Variants in SLX4IP observed in about 807,000 individuals in gnomAD.
The protein encoded by SLX4IP is SLX4 interacting protein, also known as protein SLX4IP.
In SLX4IP, 34 loss-of-function variants were observed where a neutral mutation model predicts 32.9. The observed-to-expected ratio is 1.03, with a 90% CI of 0.79 to 1.38. The LOEUF (loss-of-function observed/expected upper bound fraction) is 1.38, where lower values mean the gene tolerates loss of function less well. Ranked by LOEUF, SLX4IP falls within the 40% of genes most tolerant of loss-of-function variation. The probability of loss-of-function intolerance (pLI) is 0.00; values close to 1 mark genes in which losing one functional copy is unlikely to be tolerated. For missense variants in SLX4IP, 444 were observed against 479.0 expected (o/e 0.93, Z 0.68); for synonymous variants, 172 against 171.7 (o/e 1.00, Z -0.01).
chr20:10,518,404 T>TTCCTTCCTTCC (rs1568719908), intron 2 of SLX4IP, among the ~76,000 whole-genome samples: 7 of 92,482 alleles, frequency 7.6e-5, no homozygotes, highest in African/African-American at 3.2e-4. Flanking sequence ...TCTTTCTTTC[T>TTCCTTCCTTCC]TTCCTTCCTT....
chr20:10,589,853 G>T (rs566155897), intron 4 of SLX4IP, among the ~76,000 whole-genome samples: 2 of 151,878 alleles, frequency 1.3e-5, no homozygotes, highest in African/African-American at 4.8e-5. Flanking sequence ...TGGTCGGATT[G>T]TTGAAGATTC....
rs757978796 is a variant in SLX4IP, at chr20:10,598,653, G to A, written c.239-22G>A. 4.3e-6 allele frequency: 7 copies of A among 1,610,862 alleles called. No homozygotes were observed. The South Asian group carries it at 7.7e-5, about 18-fold the overall frequency. On this transcript the variant is annotated intron_variant, in intron 4 of 7. Transcript: ENST00000334534. Reference sequence around the variant, plus strand: ...TAGCGGCAAACAAACTTAACTTAGTGATGTTCCCTTTCACTTTCCAGGTTA... The same window carrying A: ...TAGCGGCAAACAAACTTAACTTAGTAATGTTCCCTTTCACTTTCCAGGTTA...
intron 2 of SLX4IP, among the ~76,000 whole-genome samples, chr20:10,550,302 G>A (rs2066204611): frequency 6.6e-6 from 1 of 152,184 alleles, no homozygotes; most frequent in South Asian, 2.1e-4. Context: ...CCAGGTAGGT[G>A]TAAAATGCCA....
intron 6 of SLX4IP, among the ~76,000 whole-genome samples, chr20:10,618,285 G>T (rs901925889): frequency 6.6e-6 from 1 of 152,220 alleles, no homozygotes; most frequent in Non-Finnish European, 1.5e-5. Flanking sequence ...CTGAGGGAGG[G>T]TATCTCCCTA....
At chr20:10,592,622 C>CTTTTTTTT (rs33995611) in intron 4 of SLX4IP, among the ~76,000 whole-genome samples, 9 of 55,168 alleles carry the variant, frequency 1.6e-4, no homozygotes, top group Non-Finnish European at 2.1e-4. Flanking sequence ...TATTCTTCAT[C>CTTTTTTTT]TTTTTTTTTT....
intron 4 of SLX4IP, among the ~76,000 whole-genome samples, chr20:10,583,049 C>CA (rs1162722407): frequency 1.3e-5 from 2 of 151,998 alleles, no homozygotes; most frequent in East Asian, 1.9e-4. Context: ...CAAATACATA[C>CA]AAAAATAGGA....
chr20:10,566,511 C>T (rs994501001), intron 4 of SLX4IP, among the ~76,000 whole-genome samples: 5 of 152,026 alleles, frequency 3.3e-5, no homozygotes, highest in Admixed American at 2.0e-4. Flanking sequence ...GGAACGTAAA[C>T]GTTTGCTGAG....
intron 2 of SLX4IP, among the ~76,000 whole-genome samples, chr20:10,467,688 T>C (rs759910973): frequency 6.6e-6 from 1 of 152,224 alleles, no homozygotes; most frequent in Non-Finnish European, 1.5e-5. Context: ...AGTAAGTATG[T>C]GCTGATTTCG....
chr20:10,577,690 C>G (rs998805881), intron 4 of SLX4IP, among the ~76,000 whole-genome samples: 1 of 152,200 alleles, frequency 6.6e-6, no homozygotes, highest in African/African-American at 2.4e-5. Context: ...CACTGTACTC[C>G]AGCTGAGGCA....
At position 10,473,747 on chromosome 20, in the gene SLX4IP, C is replaced by T. The variant is rs1052932039; in HGVS notation, c.27+15516C>T. 1.2e-4 allele frequency among the ~76,000 whole-genome samples: 18 copies of T among 152,068 alleles called. No individual in the cohort carries two copies. The South Asian group carries it at 1.2e-3, about 11-fold the overall frequency. On this transcript the variant is annotated intron_variant, in intron 2 of 7. Coordinates refer to ENST00000334534, the MANE Select transcript of SLX4IP (RefSeq NM_001009608.3). ...CCTCCCAAGTAGCTGGGATTACAGG[C>T]GCCTGCCACCACGCCTGGCTAATTT...
At chr20:10,452,287 T>C (rs2065247545) in intron 1 of SLX4IP, among the ~76,000 whole-genome samples, 1 of 151,992 alleles carries the variant, frequency 6.6e-6, no homozygotes. Flanking sequence ...TCCCAGCACT[T>C]TGGGAGGCTG....
intron 4 of SLX4IP, among the ~76,000 whole-genome samples, chr20:10,581,175 G>A (rs1022731164): frequency 1.3e-5 from 2 of 152,102 alleles, no homozygotes; most frequent in Admixed American, 1.3e-4. Context: ...AGAAGTAGGT[G>A]CTGGTGGTAG....
chr20:10,580,142 T>A (rs2066567346), intron 4 of SLX4IP, among the ~76,000 whole-genome samples: 1 of 152,230 alleles, frequency 6.6e-6, no homozygotes, highest in South Asian at 2.1e-4. Context: ...TTGCAAGGTA[T>A]GACTGAGGGC....
intron 2 of SLX4IP, among the ~76,000 whole-genome samples, chr20:10,504,286 G>A (rs1340969081): frequency 1.3e-5 from 2 of 152,256 alleles, no homozygotes; most frequent in East Asian, 3.9e-4. Flanking sequence ...CAGGAGCACT[G>A]GAAGAGTGGA....
intron 2 of SLX4IP, among the ~76,000 whole-genome samples, chr20:10,469,044 C>T (rs2065403088): frequency 6.6e-6 from 1 of 151,798 alleles, no homozygotes; most frequent in Non-Finnish European, 1.5e-5. Context: ...AAAAAAATCG[C>T]AAAAAAAATC....
At chr20:10,479,743 C>T (rs1258983037) in intron 2 of SLX4IP, among the ~76,000 whole-genome samples, 4 of 151,702 alleles carry the variant, frequency 2.6e-5, no homozygotes. Context: ...TGGTGGCTCA[C>T]GCCTGTAATC....
chr20:10,439,208 C>A (rs6039934), intron 1 of SLX4IP, among the ~76,000 whole-genome samples: 1 of 151,946 alleles, frequency 6.6e-6, no homozygotes. Flanking sequence ...TAATTAAAAA[C>A]GTTTTTTTCT....
chr20:10,570,889 G>A (rs1175206618), intron 4 of SLX4IP, among the ~76,000 whole-genome samples: 1 of 152,166 alleles, frequency 6.6e-6, no homozygotes, highest in Non-Finnish European at 1.5e-5. Context: ...GAGTGCAGTG[G>A]AACAGTCGTG....
chr20:10,590,071 TTGTC>T (rs1450766899), intron 4 of SLX4IP, among the ~76,000 whole-genome samples: 4 of 152,158 alleles, frequency 2.6e-5, no homozygotes, highest in Non-Finnish European at 5.9e-5. Flanking sequence ...TTGACTGGAA[TTGTC>T]TGGTACACAA....
Sources: gnomAD v4.1 joint callset for allele counts (sites outside exome capture counted in the v4.1 genomes callset) on GRCh38, gnomAD v4.1.1 for gene constraint, MANE v1.5 for transcripts, NCBI Gene and HGNC (gene_info 2026-07-23, HGNC 2026-07-21) for gene names.